The following XIRP2 variants were observed in gnomAD, a reference collection of about 807,000 sequenced individuals.
XIRP2 encodes xin actin-binding repeat-containing protein 2.
Under a neutral mutation model 277.0 loss-of-function variants are expected in XIRP2, and 236 were observed. The ratio of observed to expected loss-of-function variants is 0.85; its 90% CI spans 0.77 to 0.95. XIRP2 has a LOEUF of 0.95. Ranked by LOEUF, XIRP2 falls within the 40% of genes least tolerant of loss-of-function variation. XIRP2 has a pLI of 0.00. For missense variants in XIRP2, 4,640 were observed against 4,157.5 expected, an observed-to-expected ratio of 1.12 and a Z score of -3.19; for synonymous variants, 1,490 against 1,416.5, an observed-to-expected ratio of 1.05 and a Z score of -1.17.
At chr2:167,076,756 A>G (rs1392994668) in intron 2 of XIRP2, among the ~76,000 whole-genome samples, 1 of 152,304 alleles carries the variant, frequency 6.6e-6, no homozygotes, top group East Asian at 1.9e-4. Flanking sequence ...TTTGCAGGGA[A>G]AAGGGATGTT....
At position 167,245,997 on chromosome 2, in the gene XIRP2, T is replaced by A. The variant is rs748271768; in HGVS notation, c.4605T>A (p.His1535Gln). ...TTWLFETTPL[H>Q]EFNETRVEKI... Reference sequence around the variant, plus strand: ...GGCTCTTTGAAACAACACCACTTCATGAATTTAATGAAACTAGAGTAGAAA... The same window carrying A: ...GGCTCTTTGAAACAACACCACTTCAAGAATTTAATGAAACTAGAGTAGAAA... Residue 1535 changes from histidine (H) to glutamine (Q), a missense_variant, in exon 9 of 11, where the codon CAT becomes CAA. Physicochemically the swap from His to Gln is conservative, Grantham distance 24. Coordinates refer to ENST00000409195, the MANE Select transcript of XIRP2 (RefSeq NM_152381.6). 5 of 1,613,064 alleles carry A rather than the reference T, an allele frequency of 3.1e-6. No homozygotes were observed. The highest frequency in any genetic ancestry group is 3.3e-5 in the Admixed American group (2 of 59,872).
chr2:167,001,777 A>G (rs1007433889), intron 2 of XIRP2, among the ~76,000 whole-genome samples: 3 of 152,152 alleles, frequency 2.0e-5, no homozygotes, highest in Non-Finnish European at 2.9e-5. Flanking sequence ...TTGCAATGAT[A>G]TCTTCTTCCT....
At chr2:167,040,109 T>G (rs1287047397) in intron 2 of XIRP2, among the ~76,000 whole-genome samples, 1 of 151,968 alleles carries the variant, frequency 6.6e-6, no homozygotes, top group Non-Finnish European at 1.5e-5. Context: ...TAGAAGCATT[T>G]TGTAATGTTC....
chr2:167,236,074 T>C (rs1694891554), intron 5 of XIRP2, among the ~76,000 whole-genome samples: 1 of 151,920 alleles, frequency 6.6e-6, no homozygotes, highest in African/African-American at 2.4e-5. Context: ...GTTTCTAGTT[T>C]TATTAAAAAT....
chr2:166,909,414 G>A (rs1207915419), intron 2 of XIRP2, among the ~76,000 whole-genome samples: 1 of 152,086 alleles, frequency 6.6e-6, no homozygotes, highest in Non-Finnish European at 1.5e-5. Flanking sequence ...TTGGCTCTCT[G>A]TTTGTCTGTT....
intron 2 of XIRP2, among the ~76,000 whole-genome samples, chr2:167,026,312 A>T (rs563062905): frequency 1.2e-4 from 19 of 152,016 alleles, no homozygotes; most frequent in African/African-American, 4.6e-4. Flanking sequence ...TGCTTGGTAG[A>T]TCTTCCTCCA....
At chr2:167,174,888 G>A (rs1397876223) in intron 3 of XIRP2, among the ~76,000 whole-genome samples, 1 of 152,168 alleles carries the variant, frequency 6.6e-6, no homozygotes, top group African/African-American at 2.4e-5. Context: ...ATGTAGTTAT[G>A]TGGTTTTAAG....
chr2:167,164,169 A>G (rs116286888), intron 3 of XIRP2, among the ~76,000 whole-genome samples: 14,970 of 152,032 alleles, frequency 0.098, 787 homozygotes, highest in South Asian at 0.15. Flanking sequence ...GGCCGGGCGC[A>G]GCGGCTCACG....
chr2:167,135,548 A>C (rs1691518669), intron 2 of XIRP2, among the ~76,000 whole-genome samples: 1 of 152,050 alleles, frequency 6.6e-6, no homozygotes, highest in Non-Finnish European at 1.5e-5. Context: ...TTACATTGCC[A>C]TTTTTTGAAA....
At chr2:166,894,159 G>C (rs1234755410) in intron 1 of XIRP2, among the ~76,000 whole-genome samples, 1 of 152,054 alleles carries the variant, frequency 6.6e-6, no homozygotes, top group African/African-American at 2.4e-5. Context: ...CAATAATAGA[G>C]GCCGGAGATA....
chr2:167,019,780 A>T (rs1055767606), intron 2 of XIRP2, among the ~76,000 whole-genome samples: 1 of 152,060 alleles, frequency 6.6e-6, no homozygotes. Flanking sequence ...AGTAAAAGAG[A>T]TACACTCTTC....
chr2:166,932,214 C>G (rs144154844), intron 2 of XIRP2, among the ~76,000 whole-genome samples: 1 of 150,486 alleles, frequency 6.6e-6, no homozygotes, highest in East Asian at 2.0e-4. Context: ...CTCTCTCTCT[C>G]TCTTTTTTTT....
chr2:167,208,923 C>T (rs1397374071), intron 3 of XIRP2, among the ~76,000 whole-genome samples: 6 of 152,170 alleles, frequency 3.9e-5, no homozygotes, highest in African/African-American at 1.2e-4. Flanking sequence ...GCTGAATGTA[C>T]ACTGAATTCA....
intron 5 of XIRP2, among the ~76,000 whole-genome samples, chr2:167,230,957 C>A (rs954687931): frequency 6.6e-6 from 1 of 152,042 alleles, no homozygotes; most frequent in African/African-American, 2.4e-5. Flanking sequence ...AGTCCTACCA[C>A]GCCAATCTCT....
intron 2 of XIRP2, among the ~76,000 whole-genome samples, chr2:166,936,689 T>A (rs768268485): frequency 2.1e-4 from 32 of 152,208 alleles, no homozygotes; most frequent in Admixed American, 2.1e-3. Flanking sequence ...CCATTGCTTG[T>A]TTTTGTCAGG....
At chr2:167,145,035 A>G (rs1174246518) in intron 3 of XIRP2, among the ~76,000 whole-genome samples, 2 of 152,194 alleles carry the variant, frequency 1.3e-5, no homozygotes, top group Non-Finnish European at 2.9e-5. Context: ...GCATCAAAAG[A>G]TAACCTTGTC....
intron 2 of XIRP2, among the ~76,000 whole-genome samples, chr2:167,019,173 G>A (rs1360904850): frequency 6.6e-6 from 1 of 151,932 alleles, no homozygotes; most frequent in Non-Finnish European, 1.5e-5. Flanking sequence ...TACTTCCTGT[G>A]ACTGTTAGGA....
In XIRP2 at chr2:167,250,347, A is replaced by T. The variant is rs1194213851; in HGVS notation, c.8955A>T (p.Gly2985=). ...TFQTLLNTIP[G]WLISEDKREY... is the part of the protein sequence containing the mutation. ...AGACACTATTAAATACTATCCCAGG[A>T]TGGCTGATAAGTGAAGATAAGAGAG... Residue 2985 remains glycine, a synonymous_variant, in exon 9 of 11, where the codon GGA becomes GGT. Coordinates refer to ENST00000409195, the MANE Select transcript of XIRP2 (RefSeq NM_152381.6). 6.2e-7 allele frequency: 1 copy of T among 1,613,510 alleles called. No homozygotes were observed. Among genetic ancestry groups the T allele is most frequent in the Non-Finnish European group, 8.5e-7 (1 of 1,179,728 alleles).
chr2:166,912,389 G>A (rs1030418176), intron 2 of XIRP2, among the ~76,000 whole-genome samples: 1 of 152,078 alleles, frequency 6.6e-6, no homozygotes, highest in African/African-American at 2.4e-5. Flanking sequence ...CTTTCTTCTA[G>A]TTGATCGAAT....
Sources: allele counts gnomAD v4.1 joint callset (sites outside exome capture counted in the v4.1 genomes callset), GRCh38; gene constraint gnomAD v4.1.1; transcripts MANE v1.5; gene names NCBI Gene and HGNC (gene_info 2026-07-23, HGNC 2026-07-21).